ANKMY1: variants seen among roughly 807,000 people sequenced by gnomAD.
ANKMY1 encodes ankyrin repeat and MYND domain containing 1, also known as ankyrin repeat and MYND domain-containing protein 1.
Under a neutral mutation model 102.0 loss-of-function variants are expected in ANKMY1, and 98 were observed. The ratio of observed to expected loss-of-function variants is 0.96; its 90% confidence interval spans 0.82 to 1.14. ANKMY1 has a LOEUF of 1.14. Among genes scored for constraint, ANKMY1 ranks in the 50% most tolerant of loss-of-function variants. The pLI is 0.00. For synonymous variants in ANKMY1, 582 were observed against 559.9 expected, an observed-to-expected ratio of 1.04 and a Z score of -0.56; for missense variants, 1,330 against 1,347.6, an observed-to-expected ratio of 0.99 and a Z score of 0.20.
At chr2:240,547,032 C>T (rs1218313006) in intron 4 of ANKMY1, among the ~76,000 whole-genome samples, 2 of 152,190 alleles carry the variant, frequency 1.3e-5, no homozygotes, top group African/African-American at 4.8e-5. Flanking sequence ...CTACAGAACT[C>T]TCCACCCCAA....
the ANKMY1 span, among the ~76,000 whole-genome samples, chr2:240,469,758 GCACGTCCT>G: frequency 2.0e-5 from 3 of 147,702 alleles, no homozygotes; most frequent in African/African-American, 7.6e-5. Context: ...TTCTGCACAT[GCACGTCCT>G]CACATGCCCA....
At chr2:240,509,307 A>G (rs2079676952) in intron 12 of ANKMY1, 41 bp downstream of exon 12, 5 of 1,537,764 alleles carry the variant, frequency 3.3e-6, no homozygotes, top group Non-Finnish European at 4.4e-6. Context: ...GGAGACGGAA[A>G]CACATAGGTG....
chr2:240,556,941 C>T (rs747262313), intron 2 of ANKMY1, among the ~76,000 whole-genome samples: 2 of 152,296 alleles, frequency 1.3e-5, no homozygotes, highest in Non-Finnish European at 2.9e-5. Context: ...TCCCTCCCTC[C>T]ACTAGGCGGC....
intron 4 of ANKMY1, among the ~76,000 whole-genome samples, chr2:240,544,861 C>T (rs1433075405): frequency 1.3e-5 from 2 of 152,252 alleles, no homozygotes; most frequent in Non-Finnish European, 2.9e-5. Context: ...GGGTCCTACG[C>T]CCACGGAGTC....
intron 7 of ANKMY1, among the ~76,000 whole-genome samples, chr2:240,525,333 G>A (rs147384381): frequency 7.0e-4 from 107 of 152,348 alleles, no homozygotes; most frequent in African/African-American, 2.5e-3. Flanking sequence ...CAATAACATC[G>A]GTACTGCCAG....
chr2:240,504,416 G>A (rs1410322839), intron 13 of ANKMY1, among the ~76,000 whole-genome samples: 5 of 152,186 alleles, frequency 3.3e-5, no homozygotes, highest in African/African-American at 9.7e-5. Flanking sequence ...GCTTCATGAC[G>A]TTTCTTGGCT....
upstream of ANKMY1, chr2:240,560,830 T>C (rs1466629159): frequency 7.1e-7 from 1 of 1,417,156 alleles, no homozygotes; most frequent in Non-Finnish European, 9.1e-7. Context: ...ACGCTGTGCG[T>C]CAACGTCTCC....
At chr2:240,538,111 A>G (rs907908707) in intron 4 of ANKMY1, among the ~76,000 whole-genome samples, 1 of 152,204 alleles carries the variant, frequency 6.6e-6, no homozygotes, top group East Asian at 1.9e-4. Flanking sequence ...CAATGGTGAG[A>G]GGTGACAACG....
At chr2:240,552,694 A>G in intron 4 of ANKMY1, 1 of 624,268 alleles carries the variant, frequency 1.6e-6, no homozygotes, top group Non-Finnish European at 2.7e-6. Context: ...TCTAAAGGAC[A>G]TGTAACAATT....
intron 4 of ANKMY1, among the ~76,000 whole-genome samples, chr2:240,552,386 C>A (rs2091669385): frequency 6.6e-6 from 1 of 152,126 alleles, no homozygotes; most frequent in Non-Finnish European, 1.5e-5. Context: ...AATAGATCAG[C>A]CACAGTTTGT....
chr2:240,494,301 A>G (rs2076982722), intron 15 of ANKMY1, among the ~76,000 whole-genome samples: 1 of 152,174 alleles, frequency 6.6e-6, no homozygotes, highest in African/African-American at 2.4e-5. Context: ...CAGTGGTGGA[A>G]AATGCATGTC....
At chr2:240,523,786 C>T (rs897354281) in intron 8 of ANKMY1, 99 bp downstream of exon 8, 82 of 1,490,218 alleles carry the variant, frequency 5.5e-5, no homozygotes, top group Middle Eastern at 4.8e-4. Flanking sequence ...CCAGACACAA[C>T]GCCTCCCACT....
At chr2:240,495,359 C>T (rs928389160) in intron 15 of ANKMY1, among the ~76,000 whole-genome samples, 1 of 152,226 alleles carries the variant, frequency 6.6e-6, no homozygotes, top group East Asian at 1.9e-4. Flanking sequence ...GGAGGCCTAA[C>T]CGTCTCCCTG....
Position 240,526,304 on chromosome 2 carries a change from A to G in ANKMY1, c.1095T>C (p.Cys365=). The change falls in exon 6 of 18, where the codon TGT becomes TGC. Residue 365 remains cysteine, a synonymous_variant. Coordinates refer to ENST00000401804, the MANE Select transcript of ANKMY1 (RefSeq NM_001282771.3). ...KAEEGNHEWI[C]RILKDNFASA... ...TAGCAAAGTTGTCCTTCAGGATCCT[A>G]CAAATCCATTCGTGGTTCCCTTCCT... The G allele has an allele frequency of 6.2e-7, 1 of 1,614,172 alleles. No individual in the cohort carries two copies.
chr2:240,507,077 G>A (rs531578843), intron 13 of ANKMY1, among the ~76,000 whole-genome samples: 8 of 152,036 alleles, frequency 5.3e-5, no homozygotes, highest in Admixed American at 2.0e-4. Flanking sequence ...TGTTTTCACC[G>A]AGACAAATTT....
At chr2:240,483,696 A>C (rs552035022) in intron 15 of ANKMY1, among the ~76,000 whole-genome samples, 16 of 151,920 alleles carry the variant, frequency 1.1e-4, no homozygotes, top group African/African-American at 3.4e-4. Context: ...TTTTCTTCTT[A>C]TTATTATACT....
intron 4 of ANKMY1, among the ~76,000 whole-genome samples, chr2:240,543,503 C>G (rs1477094172): frequency 6.6e-6 from 1 of 151,978 alleles, no homozygotes; most frequent in Non-Finnish European, 1.5e-5. Flanking sequence ...TATACCCAGC[C>G]AAAACAAAAT....
At chr2:240,526,778 G>C in intron 5 of ANKMY1, 1 of 1,249,250 alleles carries the variant, frequency 8.0e-7, no homozygotes, top group South Asian at 1.6e-5. Context: ...CAAAGGCCCT[G>C]GGTAGGATGG....
chr2:240,543,323 A>T (rs1165659533), intron 4 of ANKMY1, among the ~76,000 whole-genome samples: 1 of 151,904 alleles, frequency 6.6e-6, no homozygotes, highest in Non-Finnish European at 1.5e-5. Context: ...ACTGCACTCC[A>T]GCCTGGGTGA....
Sources: gnomAD v4.1 joint callset for allele counts (sites outside exome capture counted in the v4.1 genomes callset) on GRCh38, gnomAD v4.1.1 for gene constraint, MANE v1.5 for transcripts, NCBI Gene and HGNC (gene_info 2026-07-23, HGNC 2026-07-21) for gene names.